TRPS1: variants seen among roughly 807,000 people sequenced by gnomAD.
TRPS1 encodes the protein transcriptional repressor GATA binding 1, also known as zinc finger transcription factor Trps1.
Under a neutral mutation model 101.2 loss-of-function variants are expected in TRPS1, and 6 were observed. The observed-to-expected ratio is 0.06, with a 90% CI of 0.03 to 0.12. The LOEUF (loss-of-function observed/expected upper bound fraction) is 0.12. TRPS1 is among the 10% of genes least tolerant of loss of function. The pLI is 1.00. For synonymous variants in TRPS1, 578 were observed against 589.8 expected, an observed-to-expected ratio of 0.98 and a Z score of 0.29; for missense variants, 1,363 against 1,567.0, an observed-to-expected ratio of 0.87 and a Z score of 2.20.
intron 5 of TRPS1, among the ~76,000 whole-genome samples, chr8:115,435,774 C>A (rs2129853776): frequency 6.6e-6 from 1 of 152,254 alleles, no homozygotes; most frequent in Non-Finnish European, 1.5e-5. Flanking sequence ...AATCTACACT[C>A]ACTTGATATA....
At position 115,619,992 on chromosome 8, in the gene TRPS1, G is replaced by A. The variant is rs1195146153; in HGVS notation, c.106C>T (p.Pro36Ser). The A allele has an allele frequency of 1.2e-6, 2 of 1,613,922 alleles. No individual in the cohort carries two copies. Among genetic ancestry groups the A allele is most frequent in the Admixed American group, 3.3e-5 (2 of 59,982 alleles). The change falls in exon 3 of 7, where the codon CCT (proline) becomes TCT (serine). Residue 36 changes from proline (P) to serine (S), a missense_variant. Physicochemically the swap from Pro to Ser is moderately conservative, Grantham distance 74 (BLOSUM62 -1). This residue lies in a region of TRPS1 where 1,020 missense variants were observed against 1,073.0 expected (regional missense o/e 0.95). Transcript: ENST00000395715. ...ASEGEGQILE[P>S]IGTESKVSGK... ...GATACCTTGCTTTCTGTACCTATAG[G>A]CTCCAGGATCTGGCCCTCGCCTTCA...
Position 115,515,863 on chromosome 8 carries a change from A to T in TRPS1, c.2700+71138T>A, listed in dbSNP as rs911070363. ...TCATTATTTTGATTTTGTTAGCAAA[A>T]TTCATGACAGAGTAAAAATAATTTG... On this transcript the variant is annotated intron_variant, in intron 5 of 6. Coordinates refer to ENST00000395715, the MANE Select transcript of TRPS1 (RefSeq NM_014112.5). Among the ~76,000 whole-genome samples the T allele has an allele frequency of 3.3e-5, 5 of 151,410 alleles. No individual in the cohort carries two copies. The East Asian group carries it at 9.7e-4, about 29-fold the overall frequency.
chr8:115,427,652 A>C (rs1472151684), intron 5 of TRPS1, among the ~76,000 whole-genome samples: 1 of 152,138 alleles, frequency 6.6e-6, no homozygotes, highest in Non-Finnish European at 1.5e-5. Context: ...TACCAAAAAT[A>C]TTACACCATA....
intron 1 of TRPS1, among the ~76,000 whole-genome samples, chr8:115,635,535 A>C (rs972631056): frequency 2.0e-5 from 3 of 152,184 alleles, no homozygotes; most frequent in Non-Finnish European, 4.4e-5. Flanking sequence ...GCAGAGAAGA[A>C]ACTTACCCTG....
chr8:115,652,491 T>C (rs1276895617), intron 1 of TRPS1, among the ~76,000 whole-genome samples: 3 of 152,246 alleles, frequency 2.0e-5, no homozygotes, highest in African/African-American at 7.2e-5. Flanking sequence ...CTTTATGCCA[T>C]GTCACCTGCA....
intron 5 of TRPS1, among the ~76,000 whole-genome samples, chr8:115,574,819 A>G (rs544962831): frequency 3.3e-5 from 5 of 152,214 alleles, no homozygotes; most frequent in Admixed American, 6.5e-5. Flanking sequence ...AAATCTTTCA[A>G]TTATGAAAGT....
chr8:115,487,454 G>T (rs1814911584), intron 5 of TRPS1, among the ~76,000 whole-genome samples: 1 of 152,124 alleles, frequency 6.6e-6, no homozygotes, highest in Non-Finnish European at 1.5e-5. Flanking sequence ...CATTTTATAA[G>T]GCTGAAGCGG....
Position 115,494,735 on chromosome 8 carries a change from A to G in TRPS1, c.2701-76283T>C, listed in dbSNP as rs182158215. Reference sequence around the variant, plus strand: ...AGGGTCACATTTTAACCTCTTGATGAATTATAATGACCTAAATCATTCTAA... The same window carrying G: ...AGGGTCACATTTTAACCTCTTGATGGATTATAATGACCTAAATCATTCTAA... On this transcript the variant is annotated intron_variant, in intron 5 of 6. Coordinates refer to ENST00000395715, the MANE Select transcript of TRPS1 (RefSeq NM_014112.5). Among the ~76,000 whole-genome samples, 203 of 152,330 alleles carry G rather than the reference A, an allele frequency of 1.3e-3. 1 individual carries two copies. The highest frequency in any genetic ancestry group is 2.5e-3 in the Non-Finnish European group (170 of 68,028).
chr8:115,553,898 C>T (rs1162960795), intron 5 of TRPS1, among the ~76,000 whole-genome samples: 1 of 152,080 alleles, frequency 6.6e-6, no homozygotes, highest in East Asian at 1.9e-4. Flanking sequence ...ATTCCTCATA[C>T]AATTAACACT....
At chr8:115,463,632 C>T (rs1418413474) in intron 5 of TRPS1, among the ~76,000 whole-genome samples, 4 of 152,148 alleles carry the variant, frequency 2.6e-5, no homozygotes, top group Non-Finnish European at 4.4e-5. Flanking sequence ...GAAATAACTA[C>T]TTTGCTAAAG....
At position 115,476,258 on chromosome 8, in the gene TRPS1, A is replaced by T. The variant is rs1226445855; in HGVS notation, c.2701-57806T>A. Among the ~76,000 whole-genome samples, 7 of 122,742 alleles carry T rather than the reference A, an allele frequency of 5.7e-5. 3 individuals are homozygous for T. Among genetic ancestry groups the T allele is most frequent in the Non-Finnish European group, 1.1e-4 (7 of 61,592 alleles). The allele number at this position is 122,742 out of a possible 152,430, so 80.5% of individuals were successfully genotyped here. A position where few individuals can be genotyped will look rare whatever the true frequency, so the allele number is the denominator to read the frequency against. ...ATGGTCTCGATCTCCTGACCTCGTG[A>T]TCCGCCCGCCTCGGCCTCCCAAAGT... On this transcript the variant is annotated intron_variant, in intron 5 of 6. Coordinates refer to ENST00000395715, the MANE Select transcript of TRPS1 (RefSeq NM_014112.5).
At chr8:115,470,950 T>G (rs545768922) in intron 5 of TRPS1, among the ~76,000 whole-genome samples, 7 of 152,222 alleles carry the variant, frequency 4.6e-5, no homozygotes, top group Admixed American at 4.6e-4. Context: ...TCTTTAACTG[T>G]GGGTAGCACT....
chr8:115,472,697 T>C lies in TRPS1; in HGVS notation c.2701-54245A>G, dbSNP rs572804946. Among the ~76,000 whole-genome samples, 8 of 152,336 alleles carry C rather than the reference T, an allele frequency of 5.3e-5. No individual in the cohort carries two copies. The South Asian group carries it at 1.7e-3, about 32-fold the overall frequency. On this transcript the variant is annotated intron_variant, in intron 5 of 6. Coordinates refer to ENST00000395715, the MANE Select transcript of TRPS1 (RefSeq NM_014112.5). ...GTGCCAATTCCAAACCATGTCTTTG[T>C]GACTACATAAAACTGAATGCTTTTA... is the stretch of plus-strand genomic sequence containing the variant.
intron 5 of TRPS1, among the ~76,000 whole-genome samples, chr8:115,582,323 T>C (rs1817470478): frequency 6.6e-6 from 1 of 152,196 alleles, no homozygotes; most frequent in Non-Finnish European, 1.5e-5. Context: ...ACATTGTCAC[T>C]TGTTTAAACG....
intron 5 of TRPS1, among the ~76,000 whole-genome samples, chr8:115,475,904 A>G (rs1814593685): frequency 1.3e-5 from 2 of 152,236 alleles, no homozygotes; most frequent in Non-Finnish European, 2.9e-5. Flanking sequence ...TGAAGCACAG[A>G]AAGTAAGCAA....
intron 5 of TRPS1, among the ~76,000 whole-genome samples, chr8:115,584,590 T>C (rs1254218707): frequency 6.6e-6 from 1 of 151,968 alleles, no homozygotes; most frequent in Non-Finnish European, 1.5e-5. Flanking sequence ...ATAGTACTTT[T>C]TTTTTGGCCT....
At chr8:115,525,307 T>A (rs186434102) in intron 5 of TRPS1, among the ~76,000 whole-genome samples, 1 of 152,166 alleles carries the variant, frequency 6.6e-6, no homozygotes, top group East Asian at 1.9e-4. Flanking sequence ...TGAATGAAAT[T>A]TTAAGGACTT....
intron 1 of TRPS1, among the ~76,000 whole-genome samples, chr8:115,661,275 T>C (rs949571662): frequency 6.6e-6 from 1 of 152,082 alleles, no homozygotes; most frequent in African/African-American, 2.4e-5. Context: ...ACTTTTAGAC[T>C]TCATAATGTA....
chr8:115,659,026 C>A (rs757806694), intron 1 of TRPS1, among the ~76,000 whole-genome samples: 1 of 151,830 alleles, frequency 6.6e-6, no homozygotes, highest in African/African-American at 2.4e-5. Flanking sequence ...TTCTTAAAAA[C>A]GGGACTTTAA....
Sources: allele counts gnomAD v4.1 joint callset (sites outside exome capture counted in the v4.1 genomes callset), GRCh38; gene constraint gnomAD v4.1.1; regional missense constraint gnomAD v4.1.1; transcripts MANE v1.5; gene names NCBI Gene and HGNC (gene_info 2026-07-23, HGNC 2026-07-21).